RIT2: variants seen among roughly 807,000 people sequenced by gnomAD.
RIT2 encodes Ras like without CAAX 2, also known as GTP-binding protein Rit2.
Under a neutral mutation model 23.7 loss-of-function variants are expected in RIT2, and 24 were observed. The observed-to-expected ratio is 1.01, with a 90% CI of 0.73 to 1.43. The LOEUF (loss-of-function observed/expected upper bound fraction) is 1.43. Ranked by LOEUF, RIT2 falls within the 40% of genes most tolerant of loss-of-function variation. The pLI is 0.00. For synonymous variants in RIT2, 107 were observed against 91.1 expected (o/e 1.17, Z -0.99); for missense variants, 236 against 266.9 (o/e 0.88, Z 0.81).
At chr18:43,094,129 T>TG (rs1223681074) in intron 1 of RIT2, among the ~76,000 whole-genome samples, 9 of 131,256 alleles carry the variant, frequency 6.9e-5, no homozygotes, top group Admixed American at 2.4e-4. Flanking sequence ...TTTTGTTTTT[T>TG]TTTTTTTTTT....
chr18:42,991,701 G>A (rs1390290386), intron 2 of RIT2, among the ~76,000 whole-genome samples: 1 of 152,012 alleles, frequency 6.6e-6, no homozygotes, highest in East Asian at 1.9e-4. Context: ...ATTATCTTGT[G>A]AAATTCCTTC....
rs531407238 is a variant in RIT2 at position 42,865,369 on chromosome 18, T to C, written c.426+58203A>G. 2.7e-3 allele frequency among the ~76,000 whole-genome samples: 411 copies of C among 152,288 alleles called. 2 individuals carry two copies. The highest frequency in any genetic ancestry group is 9.5e-3 in the African/African-American group (393 of 41,562). On this transcript the variant is annotated intron_variant, in intron 4 of 4. Coordinates refer to ENST00000326695, the MANE Select transcript of RIT2 (RefSeq NM_002930.4). ...TATTGTTATTACCAGCACAGATAGATTGAATTTAATTTCTTGACCAAATTT... is the reference window on the plus strand; with the variant it reads ...TATTGTTATTACCAGCACAGATAGACTGAATTTAATTTCTTGACCAAATTT...
intron 3 of RIT2, among the ~76,000 whole-genome samples, chr18:42,960,139 T>G (rs919130781): frequency 6.6e-6 from 1 of 152,210 alleles, no homozygotes; most frequent in Non-Finnish European, 1.5e-5. Context: ...CATAAAGGGC[T>G]ACTTTTCTCG....
chr18:42,847,712 T>C (rs1408693296), intron 4 of RIT2, among the ~76,000 whole-genome samples: 2 of 152,014 alleles, frequency 1.3e-5, no homozygotes, highest in Non-Finnish European at 2.9e-5. Flanking sequence ...TGTAGCTATG[T>C]TCTAGGTAGG....
chr18:42,858,212 A>G (rs900329511), intron 4 of RIT2, among the ~76,000 whole-genome samples: 1 of 152,130 alleles, frequency 6.6e-6, no homozygotes, highest in Non-Finnish European at 1.5e-5. Flanking sequence ...AAAGACTTTA[A>G]AAGTTTGAGT....
At chr18:43,073,659 G>A (rs1398147565) in intron 1 of RIT2, among the ~76,000 whole-genome samples, 2 of 152,098 alleles carry the variant, frequency 1.3e-5, no homozygotes, top group African/African-American at 2.4e-5. Flanking sequence ...TGAGTTAGAG[G>A]TGGATGTGGA....
chr18:42,939,044 G>A (rs927858544), intron 3 of RIT2, among the ~76,000 whole-genome samples: 77 of 152,068 alleles, frequency 5.1e-4, no homozygotes, highest in African/African-American at 1.8e-3. Flanking sequence ...CACCACCCCA[G>A]GCCAATAGAC....
At chr18:42,778,644 G>C (rs1023601176) in intron 4 of RIT2, among the ~76,000 whole-genome samples, 1 of 152,014 alleles carries the variant, frequency 6.6e-6, no homozygotes, top group African/African-American at 2.4e-5. Flanking sequence ...CAACTCTGCA[G>C]TCACCATTAC....
At chr18:42,837,613 C>G (rs1338009130) in intron 4 of RIT2, among the ~76,000 whole-genome samples, 1 of 152,090 alleles carries the variant, frequency 6.6e-6, no homozygotes, top group Admixed American at 6.6e-5. Flanking sequence ...AAGAATTTAG[C>G]CAAAGCTTTC....
intron 1 of RIT2, among the ~76,000 whole-genome samples, chr18:43,076,387 A>G (rs1019954266): frequency 1.3e-5 from 2 of 152,066 alleles, no homozygotes; most frequent in Non-Finnish European, 2.9e-5. Context: ...TTGAGCATCT[A>G]CTAAATGTCA....
At chr18:42,780,501 G>A (rs981765140) in intron 4 of RIT2, among the ~76,000 whole-genome samples, 4 of 152,116 alleles carry the variant, frequency 2.6e-5, no homozygotes, top group Non-Finnish European at 5.9e-5. Context: ...GACCTAGTAA[G>A]AGAAGGAGAT....
intron 1 of RIT2, among the ~76,000 whole-genome samples, chr18:43,077,458 T>G (rs1913052976): frequency 6.6e-6 from 1 of 152,188 alleles, no homozygotes; most frequent in Non-Finnish European, 1.5e-5. Flanking sequence ...GTTGGGTAGC[T>G]TCTATTCCAA....
At chr18:43,086,989 C>T (rs926892595) in intron 1 of RIT2, among the ~76,000 whole-genome samples, 9 of 152,082 alleles carry the variant, frequency 5.9e-5, no homozygotes, top group African/African-American at 2.2e-4. Flanking sequence ...GTGGTTCATA[C>T]CTGTAATCAT....
At chr18:42,968,390 T>A (rs1910287555) in intron 3 of RIT2, among the ~76,000 whole-genome samples, 1 of 152,192 alleles carries the variant, frequency 6.6e-6, no homozygotes, top group Non-Finnish European at 1.5e-5. Context: ...AAATCAGGAT[T>A]CATGCCAATC....
chr18:43,035,876 A>T (rs1182252369), intron 1 of RIT2, among the ~76,000 whole-genome samples: 1 of 152,190 alleles, frequency 6.6e-6, no homozygotes, highest in African/African-American at 2.4e-5. Flanking sequence ...TCCTGAATAA[A>T]ATCTGTTCTT....
chr18:42,766,005 C>T (rs1312260381), intron 4 of RIT2, among the ~76,000 whole-genome samples: 1 of 152,158 alleles, frequency 6.6e-6, no homozygotes. Context: ...TCTGAATCCT[C>T]CCCAGCCATG....
chr18:42,792,994 A>G (rs1914076801), intron 4 of RIT2, among the ~76,000 whole-genome samples: 1 of 152,100 alleles, frequency 6.6e-6, no homozygotes, highest in Non-Finnish European at 1.5e-5. Flanking sequence ...TCAGATACCA[A>G]GGGAAATACT....
chr18:43,099,286 T>C (rs1913627471), intron 1 of RIT2, among the ~76,000 whole-genome samples: 1 of 152,090 alleles, frequency 6.6e-6, no homozygotes, highest in Non-Finnish European at 1.5e-5. Flanking sequence ...TGATTCAGTT[T>C]AAACCTCCTT....
intron 1 of RIT2, among the ~76,000 whole-genome samples, chr18:43,050,827 G>T (rs1175730630): frequency 1.3e-5 from 2 of 152,132 alleles, no homozygotes; most frequent in Non-Finnish European, 2.9e-5. Context: ...GTTCCTGGAG[G>T]ACAGCACACC....
Sources: allele counts gnomAD v4.1 joint callset (sites outside exome capture counted in the v4.1 genomes callset), GRCh38; gene constraint gnomAD v4.1.1; transcripts MANE v1.5; gene names NCBI Gene and HGNC (gene_info 2026-07-23, HGNC 2026-07-21).